The following CMYA5 variants were observed in gnomAD, a reference collection of about 807,000 sequenced individuals.
The protein encoded by CMYA5 is cardiomyopathy-associated protein 5.
CMYA5 carries 246 observed loss-of-function variants against 318.9 expected under a neutral mutation model. The observed-to-expected ratio is 0.77, with a 90% CI of 0.70 to 0.86. The LOEUF (loss-of-function observed/expected upper bound fraction) is 0.86, where lower values mean the gene tolerates loss of function less well. Ranked by LOEUF, CMYA5 falls within the 40% of genes least tolerant of loss-of-function variation. The probability of loss-of-function intolerance (pLI) is 0.00; values close to 1 mark genes in which losing one functional copy is unlikely to be tolerated. For missense variants in CMYA5, 4,589 were observed against 4,678.2 expected, an observed-to-expected ratio of 0.98 and a Z score of 0.56; for synonymous variants, 1,641 against 1,729.5, an observed-to-expected ratio of 0.95 and a Z score of 1.27.
At position 79,737,592 on chromosome 5, in the gene CMYA5, G is replaced by C. The variant is rs1828106621; in HGVS notation, c.8827G>C (p.Ala2943Pro). The C allele has an allele frequency of 2.5e-6, 4 of 1,613,678 alleles. No individual in the cohort carries two copies. Among genetic ancestry groups the C allele is most frequent in the Non-Finnish European group, 3.4e-6 (4 of 1,179,792 alleles). ...PAGLSEDQKT[A>P]FSIISEGCEI... ...CGGACTTTCAGAAGATCAGAAGACT[G>C]CCTTTAGTATCATTTCTGAAGGCTG... is the stretch of plus-strand genomic sequence containing the variant. The change falls in exon 2 of 13, where the codon GCC becomes CCC. Residue 2943 changes from alanine (A) to proline (P), a missense_variant. Ala to Pro is a conservative substitution (Grantham distance 27). Coordinates refer to ENST00000446378, the MANE Select transcript of CMYA5 (RefSeq NM_153610.5).
chr5:79,722,698 AT>A (rs1827664969), intron 1 of CMYA5, among the ~76,000 whole-genome samples: 1 of 146,736 alleles, frequency 6.8e-6, no homozygotes. Flanking sequence ...AAAAAAAAAA[AT>A]CTATCTGAAA....
chr5:79,774,610 G>T (rs1828908236), intron 9 of CMYA5, among the ~76,000 whole-genome samples: 1 of 152,182 alleles, frequency 6.6e-6, no homozygotes, highest in East Asian at 1.9e-4. Flanking sequence ...TGAGTCTCCT[G>T]CTCCCTGGCT....
chr5:79,692,957 CT>C (rs1222440935), intron 1 of CMYA5, among the ~76,000 whole-genome samples: 6 of 152,182 alleles, frequency 3.9e-5, no homozygotes, highest in Non-Finnish European at 7.3e-5. Context: ...GAATCCATTA[CT>C]GTCCTCATAT....
rs367572184 is a variant in CMYA5, at chr5:79,737,403, C to T, written c.8638C>T (p.Arg2880Cys). 37 of 1,613,828 alleles carry T rather than the reference C, an allele frequency of 2.3e-5. No homozygotes were observed. Among genetic ancestry groups the T allele is most frequent in the African/African-American group, 2.0e-4 (15 of 75,048 alleles). The change falls in exon 2 of 13, where the codon CGT (arginine) becomes TGT (cysteine). Residue 2880 changes from arginine to cysteine, a missense_variant. Arg to Cys is a radical substitution (Grantham distance 180). Coordinates refer to ENST00000446378, the MANE Select transcript of CMYA5 (RefSeq NM_153610.5). ...KHHLEAAEDT[R>C]VKEPLSSAKS... ...CCACTTGGAGGCTGCGGAAGATACC[C>T]GTGTAAAGGAACCACTGTCTTCAGC... is the stretch of plus-strand genomic sequence containing the variant.
In CMYA5 at chr5:79,730,932, T is replaced by C. The variant is rs1032397241; in HGVS notation, c.2167T>C (p.Leu723=). ...AATTGACCGTAAGTCCCCGTTAATA[T>C]TGAAAGGTGTTTCTGAGTACATGAT... ...KTIDRKSPLI[L]KGVSEYMIPS... The change falls in exon 2 of 13, where the codon TTG becomes CTG. Residue 723 remains leucine (L), a synonymous_variant. Coordinates refer to ENST00000446378, the MANE Select transcript of CMYA5 (RefSeq NM_153610.5). 2.1e-5 allele frequency: 34 copies of C among 1,613,866 alleles called. No individual in the cohort carries two copies. Among genetic ancestry groups the C allele is most frequent in the Non-Finnish European group, 2.3e-5 (27 of 1,179,880 alleles).
chr5:79,792,862 G>A (rs1466239679), intron 11 of CMYA5, among the ~76,000 whole-genome samples: 1 of 152,178 alleles, frequency 6.6e-6, no homozygotes, highest in Non-Finnish European at 1.5e-5. Flanking sequence ...AGTTCAAAGA[G>A]GCCAGAATCT....
Position 79,733,856 on chromosome 5 carries a change from T to G in CMYA5, c.5091T>G (p.Ile1697Met). ...GTGCATCTTCTACGATGCCTGCAAT[T>G]TCAGAGCTTTCATCATTGCTTAGGG... is the stretch of plus-strand genomic sequence containing the variant. ...ELCASSTMPA[I>M]SELSSLLREE... Residue 1697 changes from isoleucine to methionine, a missense_variant, in exon 2 of 13, where the codon ATT becomes ATG. By Grantham distance (10) the Ile-to-Met change is conservative. This residue lies in a region of CMYA5 where 2,132 missense variants were observed against 2,131.3 expected (regional missense o/e 1.00). Transcript: ENST00000446378. 6.2e-7 allele frequency: 1 copy of G among 1,613,542 alleles called. No individual in the cohort carries two copies. Among genetic ancestry groups the G allele is most frequent in the Non-Finnish European group, 8.5e-7 (1 of 1,179,828 alleles).
At position 79,738,258 on chromosome 5, in the gene CMYA5, C is replaced by G. The variant is rs1426260271; in HGVS notation, c.9493C>G (p.Leu3165Val). 2.5e-6 allele frequency: 4 copies of G among 1,613,608 alleles called. No homozygotes were observed. The highest frequency in any genetic ancestry group is 3.4e-6 in the Non-Finnish European group (4 of 1,179,778). The change falls in exon 2 of 13, where the codon CTA becomes GTA. Residue 3165 changes from leucine to valine, a missense_variant. Leu to Val is a conservative substitution (Grantham distance 32). Transcript: ENST00000446378. ...MPLFEAEEGV[L>V]SRTQIFPTTI... ...TTTATTTGAAGCAGAGGAAGGAGTTCTATCACGAACCCAGATATTTCCTAC... is the reference window on the plus strand; with the variant it reads ...TTTATTTGAAGCAGAGGAAGGAGTTGTATCACGAACCCAGATATTTCCTAC...
chr5:79,691,691 C>T (rs975203411), intron 1 of CMYA5, among the ~76,000 whole-genome samples: 4 of 152,162 alleles, frequency 2.6e-5, no homozygotes, highest in Non-Finnish European at 2.9e-5. Flanking sequence ...AAACACGTAT[C>T]GACGAAAAAG....
rs540116727 is a variant in CMYA5, at chr5:79,704,450, A to G, written c.149+14394A>G. Among the ~76,000 whole-genome samples, 7 of 152,240 alleles carry G rather than the reference A, an allele frequency of 4.6e-5. No individual in the cohort carries two copies. The South Asian group carries it at 1.2e-3, about 27-fold the overall frequency. ...TCTGAAAGCCATTCGAACTGGTCCT[A>G]TCACCCAGGAGAGGCTCCATCCTTC... On this transcript the variant is annotated intron_variant, in intron 1 of 12. Coordinates refer to ENST00000446378, the MANE Select transcript of CMYA5 (RefSeq NM_153610.5).
At chr5:79,750,261 A>G (rs1828405406) in intron 5 of CMYA5, among the ~76,000 whole-genome samples, 1 of 152,236 alleles carries the variant, frequency 6.6e-6, no homozygotes, top group Non-Finnish European at 1.5e-5. Flanking sequence ...GTATTAATAA[A>G]TACAGTACAG....
At chr5:79,751,542 C>T (rs1206439957) in intron 5 of CMYA5, among the ~76,000 whole-genome samples, 1 of 152,118 alleles carries the variant, frequency 6.6e-6, no homozygotes, top group African/African-American at 2.4e-5. Context: ...TTTAAATATT[C>T]AGTTTTATTT....
intron 1 of CMYA5, among the ~76,000 whole-genome samples, chr5:79,705,339 G>A (rs1827250022): frequency 6.6e-6 from 1 of 151,866 alleles, no homozygotes; most frequent in South Asian, 2.1e-4. Context: ...CTAAGCCAGA[G>A]CTAGCCAAAA....
chr5:79,770,757 G>A (rs578100543), intron 9 of CMYA5, among the ~76,000 whole-genome samples: 2 of 152,190 alleles, frequency 1.3e-5, no homozygotes, highest in South Asian at 4.1e-4. Context: ...TAAATAAAGT[G>A]TGTTATTTAA....
chr5:79,787,002 T>A (rs1006112166), intron 9 of CMYA5, among the ~76,000 whole-genome samples: 1 of 152,222 alleles, frequency 6.6e-6, no homozygotes, highest in African/African-American at 2.4e-5. Context: ...CATGTAAACC[T>A]TTATTCTTTA....
chr5:79,788,848 A>T (rs1829124779), intron 9 of CMYA5, 123 bp from the exon 10 acceptor site: 1 of 1,006,514 alleles, frequency 9.9e-7, no homozygotes, highest in Non-Finnish European at 1.4e-6. Flanking sequence ...CAGTGGTCAT[A>T]AAAGGGGAAG....
At chr5:79,788,368 G>C (rs1339778388) in intron 9 of CMYA5, among the ~76,000 whole-genome samples, 2 of 151,962 alleles carry the variant, frequency 1.3e-5, no homozygotes, top group African/African-American at 4.8e-5. Context: ...TGGTGGGGCT[G>C]TTAACAGTGT....
At chr5:79,757,233 G>T (rs1161772505) in intron 6 of CMYA5, among the ~76,000 whole-genome samples, 1 of 149,844 alleles carries the variant, frequency 6.7e-6, no homozygotes, top group Non-Finnish European at 1.5e-5. Context: ...TTTCAACTAT[G>T]GGAATAACCT....
At chr5:79,747,438 AAC>A (rs1476481301) in intron 5 of CMYA5, among the ~76,000 whole-genome samples, 7 of 152,222 alleles carry the variant, frequency 4.6e-5, no homozygotes, top group African/African-American at 1.7e-4. Context: ...GCATTGGTTA[AAC>A]ATGAGTATTT....
Sources: allele counts gnomAD v4.1 joint callset (sites outside exome capture counted in the v4.1 genomes callset), GRCh38; gene constraint gnomAD v4.1.1; regional missense constraint gnomAD v4.1.1; transcripts MANE v1.5; gene names NCBI Gene and HGNC (gene_info 2026-07-23, HGNC 2026-07-21).